SNTG2: variants seen among roughly 807,000 people sequenced by gnomAD.
SNTG2 encodes syntrophin gamma 2.
In SNTG2, 74 loss-of-function variants were observed where a neutral mutation model predicts 70.9. That is an observed-to-expected ratio of 1.04 (90% CI 0.86 to 1.27). SNTG2 has a LOEUF of 1.27. Among genes scored for constraint, SNTG2 ranks in the 50% most tolerant of loss-of-function variants. The probability of loss-of-function intolerance (pLI) is 0.00; values close to 1 mark genes in which losing one functional copy is unlikely to be tolerated. For synonymous variants in SNTG2, 278 were observed against 273.8 expected (o/e 1.02, Z -0.15); for missense variants, 717 against 690.7 (o/e 1.04, Z -0.43).
At chr2:1,142,712 T>G (rs965251171) in intron 6 of SNTG2, among the ~76,000 whole-genome samples, 22 of 152,154 alleles carry the variant, frequency 1.4e-4, no homozygotes, top group African/African-American at 4.8e-4. Context: ...ATTAAACAAA[T>G]TCAATCCAGA....
intron 14 of SNTG2, among the ~76,000 whole-genome samples, chr2:1,308,059 G>T (rs1426165554): frequency 6.6e-6 from 1 of 152,198 alleles, no homozygotes; most frequent in African/African-American, 2.4e-5. Flanking sequence ...ATTTTCTCAG[G>T]AAAGTGCCGC....
intron 1 of SNTG2, among the ~76,000 whole-genome samples, chr2:1,039,870 C>T (rs1482516028): frequency 6.6e-6 from 1 of 152,122 alleles, no homozygotes; most frequent in Non-Finnish European, 1.5e-5. Context: ...TTAACCTTCT[C>T]CATCTTTCTG....
chr2:1,238,109 C>A, intron 10 of SNTG2, 92 bp downstream of exon 10: 3 of 1,442,234 alleles, frequency 2.1e-6, no homozygotes, highest in South Asian at 1.3e-5. Context: ...TATGATTAAC[C>A]CGAAACAGAA....
At chr2:1,222,428 T>C (rs897861949) in intron 9 of SNTG2, among the ~76,000 whole-genome samples, 6 of 152,370 alleles carry the variant, frequency 3.9e-5, no homozygotes, top group East Asian at 3.9e-4. Context: ...TCAGAGTTTG[T>C]GATGAAAATG....
Position 1,222,117 on chromosome 2 carries a change from C to CTCTGTCTCTG in SNTG2, c.719+12890_719+12891insGTCTCTGTCT, listed in dbSNP as rs1185946852. ...TCTGTCTCTCTCTGTCTCTCTCTGT[C>CTCTGTCTCTG]TCTCTCTGTCTCTCTCTGTCTCTCT... On this transcript the variant is annotated intron_variant, in intron 9 of 16. Transcript: ENST00000308624. 3.7e-4 allele frequency among the ~76,000 whole-genome samples: 14 copies of CTCTGTCTCTG among 37,506 alleles called. 3 individuals are homozygous for CTCTGTCTCTG. Among genetic ancestry groups the CTCTGTCTCTG allele is most frequent in the Admixed American group, 6.3e-4 (3 of 4,754 alleles). The allele number at this position is 37,506 out of a possible 152,430, so 24.6% of individuals were successfully genotyped here.
chr2:1,219,419 A>G (rs1674606778), intron 9 of SNTG2, among the ~76,000 whole-genome samples: 1 of 152,220 alleles, frequency 6.6e-6, no homozygotes. Flanking sequence ...GACTGAACAG[A>G]AGGCAGGAAA....
intron 11 of SNTG2, among the ~76,000 whole-genome samples, chr2:1,243,065 G>A (rs2148119986): frequency 6.6e-6 from 1 of 152,310 alleles, no homozygotes; most frequent in South Asian, 2.1e-4. Flanking sequence ...CAATAGCAAA[G>A]CTATAACGTA....
chr2:1,124,662 A>G (rs953497840), intron 4 of SNTG2, among the ~76,000 whole-genome samples: 9 of 152,168 alleles, frequency 5.9e-5, no homozygotes, highest in African/African-American at 1.4e-4. Flanking sequence ...GGAGGACGCT[A>G]TGCCAGGGGA....
intron 4 of SNTG2, among the ~76,000 whole-genome samples, chr2:1,132,784 A>T (rs1668111454): frequency 6.6e-6 from 1 of 152,140 alleles, no homozygotes; most frequent in South Asian, 2.1e-4. Context: ...AGACTAGAGG[A>T]AACGCCCACT....
In SNTG2 at chr2:1,270,182, C is replaced by T. The variant is rs145701007; in HGVS notation, c.1284+2611C>T. On this transcript the variant is annotated intron_variant, in intron 14 of 16. Coordinates refer to ENST00000308624, the MANE Select transcript of SNTG2 (RefSeq NM_018968.4). ...TCCTGAGCTCCACCCCAGGTAGTGA[C>T]CTGACTCCTATCAGATCTGCCCATG... Among the ~76,000 whole-genome samples, 674 of 152,266 alleles carry T rather than the reference C, an allele frequency of 4.4e-3. 4 individuals are homozygous for T. The highest frequency in any genetic ancestry group is 0.012 in the African/African-American group (512 of 41,560).
chr2:1,324,179 T>C (rs1681667118), intron 16 of SNTG2, among the ~76,000 whole-genome samples: 1 of 152,202 alleles, frequency 6.6e-6, no homozygotes, highest in African/African-American at 2.4e-5. Context: ...AACAGTCACA[T>C]GGCGGAGACT....
At chr2:1,203,684 ATATATATGTGTG>A (rs1558526328) in intron 8 of SNTG2, among the ~76,000 whole-genome samples, 2 of 145,192 alleles carry the variant, frequency 1.4e-5, no homozygotes, top group East Asian at 2.0e-4. Flanking sequence ...ATATATATAT[ATATATATGTGTG>A]TGTGTGTGTG....
intron 1 of SNTG2, among the ~76,000 whole-genome samples, chr2:1,073,017 A>T (rs1370459926): frequency 6.6e-6 from 1 of 152,238 alleles, no homozygotes; most frequent in Non-Finnish European, 1.5e-5. Flanking sequence ...AAACATTAAT[A>T]GATTAGGAAT....
chr2:975,852 G>A (rs1330133991), intron 1 of SNTG2, among the ~76,000 whole-genome samples: 2 of 152,170 alleles, frequency 1.3e-5, no homozygotes, highest in Non-Finnish European at 1.5e-5. Flanking sequence ...CTTTCAAGAT[G>A]TTACTTTACC....
intron 12 of SNTG2, among the ~76,000 whole-genome samples, chr2:1,255,887 TATATATAA>T (rs1558602839): frequency 1.6e-5 from 1 of 63,538 alleles, no homozygotes; most frequent in African/African-American, 9.4e-5. Flanking sequence ...TATATATAAA[TATATATAA>T]ATATATATAT....
intron 16 of SNTG2, among the ~76,000 whole-genome samples, chr2:1,327,412 A>C (rs768842897): frequency 7.9e-5 from 12 of 152,198 alleles, no homozygotes; most frequent in Non-Finnish European, 1.6e-4. Context: ...GAATATCATC[A>C]TCATTTAATT....
chr2:1,333,139 G>C (rs1359945259), intron 16 of SNTG2, among the ~76,000 whole-genome samples: 1 of 152,120 alleles, frequency 6.6e-6, no homozygotes, highest in East Asian at 1.9e-4. Flanking sequence ...CAAATGAGTA[G>C]CACTGCTATA....
At chr2:1,329,182 G>C (rs1681886338) in intron 16 of SNTG2, among the ~76,000 whole-genome samples, 1 of 151,944 alleles carries the variant, frequency 6.6e-6, no homozygotes, top group African/African-American at 2.4e-5. Context: ...ATTTAAAGCT[G>C]TTTGTCTTTG....
In SNTG2 at chr2:1,260,662, G is replaced by A. The variant is rs556090754; in HGVS notation, c.1077+1221G>A. Among the ~76,000 whole-genome samples, 27 of 152,180 alleles carry A rather than the reference G, an allele frequency of 1.8e-4. No homozygotes were observed. The South Asian group carries it at 2.5e-3, about 14-fold the overall frequency. ...TCATTTTAAAAATTATTCTGTTTTC[G>A]AAATTATCTGTGACAGGAATGCATT... On this transcript the variant is annotated intron_variant, in intron 13 of 16. Transcript: ENST00000308624.
Sources: allele counts gnomAD v4.1 joint callset (sites outside exome capture counted in the v4.1 genomes callset), GRCh38; gene constraint gnomAD v4.1.1; transcripts MANE v1.5; gene names NCBI Gene and HGNC (gene_info 2026-07-23, HGNC 2026-07-21).